USO1: variants seen among roughly 807,000 people sequenced by gnomAD.
USO1 encodes the protein general vesicular transport factor p115.
A neutral mutation model predicts 124.5 loss-of-function variants in USO1; 57 were observed. The ratio of observed to expected loss-of-function variants is 0.46; its 90% CI spans 0.37 to 0.57. USO1 has a LOEUF of 0.57. USO1 is among the 20% of genes least tolerant of loss of function. USO1 has a pLI of 0.00. For synonymous variants in USO1, 369 were observed against 362.8 expected (o/e 1.02, Z -0.19); for missense variants, 900 against 1,040.6 (o/e 0.86, Z 1.86).
chr4:75,767,741 A>T (rs1054233083), intron 4 of USO1, among the ~76,000 whole-genome samples: 2 of 152,250 alleles, frequency 1.3e-5, no homozygotes, highest in African/African-American at 4.8e-5. Flanking sequence ...ATGGTACATC[A>T]TCTTGATTAC....
intron 6 of USO1, 46 bp downstream of exon 6, chr4:75,770,970 A>G (rs1560447822): frequency 1.3e-6 from 2 of 1,599,800 alleles, no homozygotes; most frequent in East Asian, 2.2e-5. Flanking sequence ...AAGCATGAGT[A>G]TCATTTCCTA....
intron 7 of USO1, 55 bp downstream of exon 7, chr4:75,771,192 A>G: frequency 6.5e-7 from 1 of 1,529,976 alleles, no homozygotes; most frequent in South Asian, 1.3e-5. Context: ...TTTCTCTTGC[A>G]AATGAAATCC....
chr4:75,797,293 T>TC (rs1722713436), intron 13 of USO1, among the ~76,000 whole-genome samples: 1 of 152,100 alleles, frequency 6.6e-6, no homozygotes, highest in Non-Finnish European at 1.5e-5. Context: ...GAGATACAGA[T>TC]CCACTGATCT....
intron 12 of USO1, among the ~76,000 whole-genome samples, chr4:75,792,483 A>T (rs1255152794): frequency 6.6e-6 from 1 of 151,988 alleles, no homozygotes; most frequent in Non-Finnish European, 1.5e-5. Flanking sequence ...GTTGCAGTGA[A>T]CTGAGATCAC....
intron 4 of USO1, among the ~76,000 whole-genome samples, chr4:75,764,608 C>G (rs1280847886): frequency 2.0e-5 from 3 of 152,060 alleles, no homozygotes; most frequent in Non-Finnish European, 4.4e-5. Context: ...TCCATCAAGT[C>G]TATATGTGGT....
chr4:75,758,222 A>G (rs1176497752), intron 4 of USO1, among the ~76,000 whole-genome samples: 1 of 152,180 alleles, frequency 6.6e-6, no homozygotes, highest in African/African-American at 2.4e-5. Flanking sequence ...ATTTTGTTCT[A>G]TATGTTGCAA....
chr4:75,749,733 T>G (rs1044813439), intron 1 of USO1, among the ~76,000 whole-genome samples: 6 of 151,516 alleles, frequency 4.0e-5, no homozygotes, highest in African/African-American at 9.7e-5. Context: ...AGGACCCAAG[T>G]GTTTTTTAAA....
In USO1 at chr4:75,791,679, T is replaced by C. The variant is rs1722537333; in HGVS notation, c.1240+882T>C. Among the ~76,000 whole-genome samples the C allele has an allele frequency of 2.6e-5, 4 of 152,342 alleles. No individual in the cohort carries two copies. The South Asian group carries it at 8.3e-4, about 32-fold the overall frequency. On this transcript the variant is annotated intron_variant, in intron 12 of 23. Transcript: ENST00000514213. ...GATAAATTTTTTAAATGTTTACCTTTGTTAACTTTTAAACTTCAAGAGCAG... is the reference window on the plus strand; with the variant it reads ...GATAAATTTTTTAAATGTTTACCTTCGTTAACTTTTAAACTTCAAGAGCAG...
chr4:75,750,494 T>C (rs1400395979), intron 1 of USO1, among the ~76,000 whole-genome samples: 3 of 152,064 alleles, frequency 2.0e-5, no homozygotes, highest in Non-Finnish European at 2.9e-5. Context: ...TTTTTATTTA[T>C]TTATTTTTGA....
chr4:75,769,491 A>T (rs1392002744), intron 4 of USO1, among the ~76,000 whole-genome samples: 2 of 152,044 alleles, frequency 1.3e-5, no homozygotes, highest in Non-Finnish European at 2.9e-5. Flanking sequence ...TTTCCCTCAC[A>T]TTTAGAAAAG....
At chr4:75,734,011 G>A (rs902936538) in intron 1 of USO1, among the ~76,000 whole-genome samples, 6 of 135,676 alleles carry the variant, frequency 4.4e-5, no homozygotes, top group African/African-American at 1.1e-4. Context: ...GCAATGGTGC[G>A]ATTGGCTCAC....
intron 1 of USO1, among the ~76,000 whole-genome samples, chr4:75,746,308 A>G (rs905356036): frequency 3.9e-5 from 6 of 152,214 alleles, no homozygotes; most frequent in African/African-American, 4.8e-5. Context: ...CCTAGCTGCA[A>G]GGAAAGCCTG....
chr4:75,736,397 C>T (rs905932146), intron 1 of USO1, among the ~76,000 whole-genome samples: 1 of 142,114 alleles, frequency 7.0e-6, no homozygotes, highest in African/African-American at 2.6e-5. Context: ...GTTCTCAGCT[C>T]ACCTCCGCCT....
chr4:75,726,662 T>C (rs1720472244), intron 1 of USO1, among the ~76,000 whole-genome samples: 1 of 152,158 alleles, frequency 6.6e-6, no homozygotes, highest in South Asian at 2.1e-4. Context: ...GAAAATCACT[T>C]TTCTGTCTCT....
intron 1 of USO1, among the ~76,000 whole-genome samples, chr4:75,739,422 A>G (rs1289406409): frequency 1.3e-5 from 2 of 151,828 alleles, no homozygotes; most frequent in Non-Finnish European, 2.9e-5. Flanking sequence ...CACATCTCCA[A>G]TTGAGGTCAA....
Position 75,770,521 on chromosome 4 carries a change from T to G in USO1, c.378T>G (p.Leu126=), listed in dbSNP as rs372543886. The G allele has an allele frequency of 7.9e-5, 125 of 1,587,016 alleles. No homozygotes were observed. The highest frequency in any genetic ancestry group is 1.7e-4 in the Middle Eastern group (1 of 6,032). ...IFIKQQENVT[L]LLSLLEEFDF... ...TTAAGCAGCAGGAAAATGTCACTCT[T>G]CTGTTATCTTTATTGGAGGTAAATA... The change falls in exon 5 of 24, where the codon CTT becomes CTG. Residue 126 remains leucine (L), a synonymous_variant. Coordinates refer to ENST00000514213, the MANE Select transcript of USO1 (RefSeq NM_003715.4).
intron 17 of USO1, 107 bp from the exon 18 acceptor site, chr4:75,804,027 A>T: frequency 7.1e-7 from 1 of 1,400,732 alleles, no homozygotes; most frequent in Non-Finnish European, 9.4e-7. Context: ...AGTGTTAAGC[A>T]CTTTAGCATA....
intron 13 of USO1, among the ~76,000 whole-genome samples, chr4:75,796,761 A>G (rs1722694745): frequency 6.6e-6 from 1 of 151,300 alleles, no homozygotes; most frequent in Admixed American, 6.6e-5. Context: ...AATCTCCTCA[A>G]TGGTTCACAC....
chr4:75,800,954 C>T, intron 16 of USO1, 125 bp from the exon 17 acceptor site: 3 of 1,394,144 alleles, frequency 2.2e-6, no homozygotes, highest in Non-Finnish European at 2.9e-6. Flanking sequence ...ATTTGGCTTT[C>T]AGTAGGATTG....
Sources: allele counts gnomAD v4.1 joint callset (sites outside exome capture counted in the v4.1 genomes callset), GRCh38; gene constraint gnomAD v4.1.1; transcripts MANE v1.5; gene names NCBI Gene and HGNC (gene_info 2026-07-23, HGNC 2026-07-21).